Variants in ADAMTS3 observed in about 807,000 individuals in gnomAD.
ADAMTS3 encodes the protein A disintegrin and metalloproteinase with thrombospondin motifs 3.
A neutral mutation model predicts 129.0 loss-of-function variants in ADAMTS3; 73 were observed. The observed-to-expected ratio is 0.57, with a 90% CI of 0.47 to 0.69. ADAMTS3 has a LOEUF of 0.69. Among genes scored for constraint, ADAMTS3 ranks in the 30% least tolerant of loss-of-function variants. The pLI, the probability that ADAMTS3 is intolerant of heterozygous loss-of-function variation, is 0.00. For synonymous variants in ADAMTS3, 477 were observed against 510.8 expected, an observed-to-expected ratio of 0.93 and a Z score of 0.89; for missense variants, 1,457 against 1,514.5, an observed-to-expected ratio of 0.96 and a Z score of 0.63.
At chr4:72,390,594 C>G (rs2109892372) in intron 4 of ADAMTS3, among the ~76,000 whole-genome samples, 1 of 152,212 alleles carries the variant, frequency 6.6e-6, no homozygotes, top group Non-Finnish European at 1.5e-5. Context: ...AAAATAACTA[C>G]ATTTCCTATA....
intron 3 of ADAMTS3, among the ~76,000 whole-genome samples, chr4:72,445,686 G>A (rs1050680013): frequency 3.3e-5 from 5 of 151,606 alleles, no homozygotes; most frequent in Non-Finnish European, 7.4e-5. Context: ...AAGAATCATA[G>A]GCCCAAATCA....
rs185275388 is a variant in ADAMTS3, at chr4:72,437,224, G to A, written c.505-22253C>T. ...TCAGGGAAGGCAGGTCTCTTGCAAC[G>A]GAAATGAACATTTTTAAAAAATACA... is the stretch of plus-strand genomic sequence containing the variant. On this transcript the variant is annotated intron_variant, in intron 3 of 21. Coordinates refer to ENST00000286657, the MANE Select transcript of ADAMTS3 (RefSeq NM_014243.3). 7.6e-4 allele frequency among the ~76,000 whole-genome samples: 116 copies of A among 151,878 alleles called. 2 individuals are homozygous for A. The highest frequency in any genetic ancestry group is 4.8e-3 in the South Asian group (23 of 4,818).
intron 3 of ADAMTS3, among the ~76,000 whole-genome samples, chr4:72,452,789 A>G (rs943173482): frequency 5.3e-5 from 8 of 151,702 alleles, no homozygotes; most frequent in Non-Finnish European, 1.2e-4. Flanking sequence ...CCTTCAAAGC[A>G]TCTCTCCTAC....
intron 19 of ADAMTS3, among the ~76,000 whole-genome samples, chr4:72,295,217 C>T (rs1217575867): frequency 3.3e-5 from 5 of 151,826 alleles, no homozygotes; most frequent in African/African-American, 4.8e-5. Flanking sequence ...CTGAATATTG[C>T]GATCAGTAAA....
intron 4 of ADAMTS3, among the ~76,000 whole-genome samples, chr4:72,360,460 T>C (rs983533897): frequency 6.6e-6 from 1 of 152,090 alleles, no homozygotes. Context: ...AAATAGTAAA[T>C]ACAAGTAAAC....
At chr4:72,340,229 T>C (rs566960221) in intron 4 of ADAMTS3, among the ~76,000 whole-genome samples, 2 of 152,094 alleles carry the variant, frequency 1.3e-5, no homozygotes, top group Non-Finnish European at 2.9e-5. Context: ...TCAGTCACTA[T>C]GTATTGCTTT....
At chr4:72,498,156 G>A (rs978970569) in intron 3 of ADAMTS3, among the ~76,000 whole-genome samples, 2 of 152,106 alleles carry the variant, frequency 1.3e-5, no homozygotes, top group East Asian at 1.9e-4. Context: ...CTTAGAGAGC[G>A]AACACTATAT....
intron 4 of ADAMTS3, among the ~76,000 whole-genome samples, chr4:72,359,737 TG>T (rs1245699550): frequency 6.6e-6 from 1 of 152,092 alleles, no homozygotes; most frequent in Non-Finnish European, 1.5e-5. Flanking sequence ...GTTAATTAAA[TG>T]AATACACACT....
chr4:72,515,095 T>C (rs966508671), intron 3 of ADAMTS3, among the ~76,000 whole-genome samples: 6 of 152,318 alleles, frequency 3.9e-5, no homozygotes, highest in South Asian at 2.1e-4. Context: ...GTTTGGTTTT[T>C]TGTCCTTGCG....
At chr4:72,339,236 T>C (rs1024115866) in intron 5 of ADAMTS3, among the ~76,000 whole-genome samples, 1 of 152,200 alleles carries the variant, frequency 6.6e-6, no homozygotes, top group Non-Finnish European at 1.5e-5. Context: ...CATCTCATTA[T>C]GGCTTTTTAA....
intron 3 of ADAMTS3, among the ~76,000 whole-genome samples, chr4:72,426,345 C>A (rs553338530): frequency 3.9e-5 from 6 of 152,064 alleles, no homozygotes; most frequent in Admixed American, 3.9e-4. Context: ...TTAATTAGAT[C>A]CCATTTGTCA....
At chr4:72,524,535 TTTA>T (rs936375427) in intron 3 of ADAMTS3, among the ~76,000 whole-genome samples, 7 of 152,056 alleles carry the variant, frequency 4.6e-5, no homozygotes, top group African/African-American at 9.6e-5. Context: ...TGAATCATGC[TTTA>T]TTATTATTAT....
chr4:72,452,015 G>C (rs1718420731), intron 3 of ADAMTS3, among the ~76,000 whole-genome samples: 1 of 151,744 alleles, frequency 6.6e-6, no homozygotes, highest in Non-Finnish European at 1.5e-5. Context: ...CTTGAGCACA[G>C]GAGGTCAAGG....
In ADAMTS3 at chr4:72,319,491, A is replaced by G; in HGVS notation, c.1209-16T>C. 1 of 1,599,934 alleles carries G rather than the reference A, an allele frequency of 6.3e-7. No homozygotes were observed. Among genetic ancestry groups the G allele is most frequent in the African/African-American group, 1.4e-5 (1 of 74,026 alleles). ...CATTCCCAACCTAGAACACAAAGAG[A>G]CCTCAGTGGTAAGAATCAGGGGCTA... On this transcript the variant is annotated splice_polypyrimidine_tract_variant and intron_variant, in intron 8 of 21. Coordinates refer to ENST00000286657, the MANE Select transcript of ADAMTS3 (RefSeq NM_014243.3).
intron 3 of ADAMTS3, among the ~76,000 whole-genome samples, chr4:72,435,132 A>G (rs1430097059): frequency 6.6e-6 from 1 of 151,904 alleles, no homozygotes. Context: ...ACCAACAAAA[A>G]GCACAAAACT....
At chr4:72,541,672 T>C (rs1225067795) in intron 3 of ADAMTS3, among the ~76,000 whole-genome samples, 1 of 152,144 alleles carries the variant, frequency 6.6e-6, no homozygotes. Flanking sequence ...GTTTTTGTGA[T>C]AGTGAATATG....
chr4:72,360,006 C>A (rs75067970), intron 4 of ADAMTS3, among the ~76,000 whole-genome samples: 1 of 151,950 alleles, frequency 6.6e-6, no homozygotes, highest in Non-Finnish European at 1.5e-5. Context: ...CATTATCCAG[C>A]GGCCTATATG....
At position 72,549,984 on chromosome 4, in the gene ADAMTS3, A is replaced by G. The variant is rs1381000850; in HGVS notation, c.98-1100T>C. On this transcript the variant is annotated intron_variant, in intron 2 of 21. Coordinates refer to ENST00000286657, the MANE Select transcript of ADAMTS3 (RefSeq NM_014243.3). Reference sequence around the variant, plus strand: ...AAAAAAGAAGAAGAAGAAGAAGAAGAAGAAGAAGAGGAAGAGGAAGAAGAA... The same window carrying G: ...AAAAAAGAAGAAGAAGAAGAAGAAGGAGAAGAAGAGGAAGAGGAAGAAGAA... Among the ~76,000 whole-genome samples, 57 of 29,560 alleles carry G rather than the reference A, an allele frequency of 1.9e-3. 6 individuals are homozygous for G. Among genetic ancestry groups the G allele is most frequent in the African/African-American group, 0.013 (55 of 4,378 alleles). 19.4% of individuals were successfully genotyped at this position (29,560 alleles called of 152,430 possible).
chr4:72,515,507 G>A (rs1720443381), intron 3 of ADAMTS3, among the ~76,000 whole-genome samples: 1 of 149,158 alleles, frequency 6.7e-6, no homozygotes, highest in Admixed American at 6.7e-5. Flanking sequence ...GTTGTTTCCT[G>A]ACTTTTTAAT....
Sources: allele counts gnomAD v4.1 joint callset (sites outside exome capture counted in the v4.1 genomes callset), GRCh38; gene constraint gnomAD v4.1.1; transcripts MANE v1.5; gene names NCBI Gene and HGNC (gene_info 2026-07-23, HGNC 2026-07-21).